Variants in FLYWCH1 observed in about 807,000 individuals in gnomAD.
FLYWCH1 encodes the protein FLYWCH-type zinc finger 1, also known as FLYWCH-type zinc finger-containing protein 1.
Under a neutral mutation model 66.4 loss-of-function variants are expected in FLYWCH1, and 75 were observed. That is an observed-to-expected ratio of 1.13 (90% CI 0.94 to 1.37). The LOEUF (loss-of-function observed/expected upper bound fraction) is 1.37, where lower values mean the gene tolerates loss of function less well. FLYWCH1 is among the 40% of genes most tolerant of loss of function. The probability of loss-of-function intolerance (pLI) is 0.00; values close to 1 mark genes in which losing one functional copy is unlikely to be tolerated. For synonymous variants in FLYWCH1, 595 were observed against 429.9 expected (o/e 1.38, Z -4.75); for missense variants, 1,334 against 1,001.8 (o/e 1.33, Z -4.48).
intron 9 of FLYWCH1, among the ~76,000 whole-genome samples, chr16:2,946,738 G>C (rs954522126): frequency 3.3e-5 from 5 of 152,102 alleles, no homozygotes; most frequent in South Asian, 4.1e-4. Context: ...TATACAAATG[G>C]CCGATAGGGA....
chr16:2,923,224 C>T (rs529296975), intron 2 of FLYWCH1: 28 of 321,610 alleles, frequency 8.7e-5, no homozygotes, highest in South Asian at 8.2e-4. Context: ...TCGCTTTCAG[C>T]GCCATCTTGT....
At chr16:2,920,167 A>T (rs1461047581) in intron 2 of FLYWCH1, among the ~76,000 whole-genome samples, 3 of 152,138 alleles carry the variant, frequency 2.0e-5, no homozygotes, top group Non-Finnish European at 4.4e-5. Context: ...AGAACTTAGA[A>T]AATTTCACAA....
chr16:2,918,156 T>TTTC (rs1292432459), intron 2 of FLYWCH1, among the ~76,000 whole-genome samples: 1 of 147,848 alleles, frequency 6.8e-6, no homozygotes, highest in African/African-American at 2.5e-5. Flanking sequence ...CCTTTTTTTT[T>TTTC]TTTTTTTTTT....
At chr16:2,936,083 G>A (rs966856984) in intron 6 of FLYWCH1, 5 of 245,808 alleles carry the variant, frequency 2.0e-5, no homozygotes, top group Admixed American at 1.0e-4. Context: ...CTAATTTTTT[G>A]TATTTTTTTA....
At chr16:2,940,561 G>C (rs2071218694) in intron 9 of FLYWCH1, among the ~76,000 whole-genome samples, 1 of 152,162 alleles carries the variant, frequency 6.6e-6, no homozygotes, top group African/African-American at 2.4e-5. Flanking sequence ...TCAGCCCCCT[G>C]AGTAGCTGGG....
chr16:2,932,270 CAAAAAAAAAAAA>C (rs71158125), intron 4 of FLYWCH1, among the ~76,000 whole-genome samples: 3 of 55,304 alleles, frequency 5.4e-5, no homozygotes, highest in Admixed American at 2.3e-4. Context: ...GACCCTGTCT[CAAAAAAAAAAAA>C]AAAAAAAAAA....
At position 2,938,360 on chromosome 16, in the gene FLYWCH1, G is replaced by C. The variant is rs1397451286; in HGVS notation, c.1954G>C (p.Val652Leu). 1.9e-6 allele frequency: 3 copies of C among 1,593,456 alleles called. No individual in the cohort carries two copies. Among genetic ancestry groups the C allele is most frequent in the East Asian group, 2.2e-5 (1 of 44,510 alleles). ...CATAACCCAGGGCCACCGCATCATG[G>C]TCATGCGCAGCCACTGCCATCAGCC... ...RAITQGHRIM[V>L]MRSHCHQPDL... Residue 652 changes from valine to leucine, a missense_variant, in exon 8 of 10, where the codon GTC (valine) becomes CTC (leucine). By Grantham distance (32) the Val-to-Leu change is conservative. Transcript: ENST00000253928.
intron 9 of FLYWCH1, among the ~76,000 whole-genome samples, chr16:2,946,567 C>A (rs1297087556): frequency 2.6e-5 from 4 of 152,042 alleles, no homozygotes; most frequent in Non-Finnish European, 4.4e-5. Context: ...AGGTGATCCA[C>A]CTGCCTCAGC....
Position 2,940,845 on chromosome 16 carries a change from TTGGG to T in FLYWCH1, c.2111+754_2111+757del, listed in dbSNP as rs1475777231. Among the ~76,000 whole-genome samples the T allele has an allele frequency of 2.1e-3, 60 of 28,814 alleles. 1 individual carries two copies. Among genetic ancestry groups the T allele is most frequent in the African/African-American group, 0.015 (49 of 3,330 alleles). The allele number at this position is 28,814 out of a possible 152,430, so 18.9% of individuals were successfully genotyped here. A position where few individuals can be genotyped will look rare whatever the true frequency, so the allele number is the denominator to read the frequency against. ...GGCTCATACCTGTAATTCCAGCACT[TTGGG>T]AGGCCAAGGCAGGCAGATCATTTGT... On this transcript the variant is annotated intron_variant, in intron 9 of 9. Transcript: ENST00000253928.
chr16:2,921,093 G>A (rs1043843597), intron 2 of FLYWCH1, among the ~76,000 whole-genome samples: 4 of 151,906 alleles, frequency 2.6e-5, no homozygotes, highest in Non-Finnish European at 5.9e-5. Flanking sequence ...TGCCCGCCTC[G>A]GCCTCCCAAA....
At chr16:2,927,640 T>C (rs964679662) in intron 2 of FLYWCH1, among the ~76,000 whole-genome samples, 5 of 152,152 alleles carry the variant, frequency 3.3e-5, no homozygotes, top group African/African-American at 1.2e-4. Context: ...TGTGGCCAAA[T>C]TGGTCGTCTA....
intron 6 of FLYWCH1, 70 bp downstream of exon 6, chr16:2,934,049 C>T (rs1021290665): frequency 2.0e-5 from 29 of 1,431,198 alleles, no homozygotes; most frequent in Middle Eastern, 4.9e-4. Context: ...TTTCCCTCTC[C>T]ATGCTGCGGC....
At chr16:2,920,886 G>T (rs1398660268) in intron 2 of FLYWCH1, among the ~76,000 whole-genome samples, 1 of 137,802 alleles carries the variant, frequency 7.3e-6, no homozygotes, top group Admixed American at 7.7e-5. Context: ...CTGTCGCCCA[G>T]GCTGGAGTGC....
chr16:2,913,033 C>T (rs1257105340), intron 1 of FLYWCH1: 2 of 152,136 alleles, frequency 1.3e-5, no homozygotes, highest in African/African-American at 4.8e-5. Flanking sequence ...GTGGAAGGAA[C>T]AAGGCTGAGG....
chr16:2,925,325 A>T (rs1316761678), intron 2 of FLYWCH1, among the ~76,000 whole-genome samples: 2 of 152,024 alleles, frequency 1.3e-5, no homozygotes, highest in Non-Finnish European at 2.9e-5. Context: ...AGGAACTGCC[A>T]CGTCCATCGT....
intron 6 of FLYWCH1, 96 bp downstream of exon 6, chr16:2,934,075 T>C: frequency 1.5e-6 from 2 of 1,361,328 alleles, no homozygotes; most frequent in Non-Finnish European, 1.9e-6. Flanking sequence ...CTGGCAAACG[T>C]CCTCTTCCCT....
At chr16:2,931,089 G>C (rs989883863) in intron 4 of FLYWCH1, among the ~76,000 whole-genome samples, 16 of 152,036 alleles carry the variant, frequency 1.1e-4, no homozygotes, top group African/African-American at 3.6e-4. Context: ...CGGATCATGA[G>C]GTCAGGAGTT....
chr16:2,939,948 C>A, intron 8 of FLYWCH1, 84 bp from the exon 9 acceptor site: 1 of 1,499,970 alleles, frequency 6.7e-7, no homozygotes, highest in African/African-American at 1.4e-5. Flanking sequence ...TTGAGGGCGT[C>A]GTTAACAAGG....
At chr16:2,921,719 C>T (rs949620965) in intron 2 of FLYWCH1, among the ~76,000 whole-genome samples, 3 of 149,410 alleles carry the variant, frequency 2.0e-5, no homozygotes, top group Non-Finnish European at 4.4e-5. Flanking sequence ...CACGCCACCA[C>T]ACTCCGGTTT....
Sources: gnomAD v4.1 joint callset for allele counts (sites outside exome capture counted in the v4.1 genomes callset) on GRCh38, gnomAD v4.1.1 for gene constraint, MANE v1.5 for transcripts, NCBI Gene and HGNC (gene_info 2026-07-23, HGNC 2026-07-21) for gene names.